Variants in ITGB1BP1 observed in about 807,000 individuals in gnomAD.
ITGB1BP1 encodes the protein integrin subunit beta 1 binding protein 1, also known as integrin beta-1-binding protein 1.
Under a neutral mutation model 28.0 loss-of-function variants are expected in ITGB1BP1, and 20 were observed. That is an observed-to-expected ratio of 0.71 (90% CI 0.50 to 1.04). The LOEUF (loss-of-function observed/expected upper bound fraction) is 1.04, where lower values mean the gene tolerates loss of function less well. Ranked by LOEUF, ITGB1BP1 falls within the 50% of genes least tolerant of loss-of-function variation. The probability of loss-of-function intolerance (pLI) is 0.00; values close to 1 mark genes in which losing one functional copy is unlikely to be tolerated. For missense variants in ITGB1BP1, 228 were observed against 242.5 expected (o/e 0.94, Z 0.40); for synonymous variants, 103 against 89.5 (o/e 1.15, Z -0.85).
rs1572755773 is a variant in ITGB1BP1 at position 9,423,389 on chromosome 2, C to T, written c.-52G>A. 4 of 1,144,688 alleles carry T rather than the reference C, an allele frequency of 3.5e-6. No individual in the cohort carries two copies. The African/African-American group carries it at 5.1e-5, about 15-fold the overall frequency. The allele number at this position is 1,144,688 out of a possible 1,614,324, so 70.9% of individuals were successfully genotyped here. On this transcript the variant is annotated 5_prime_UTR_variant, in exon 1 of 7. The change abolishes an upstream ATG in the 5' untranslated region. Transcript: ENST00000355346. ...GGCGCTCACCTCGCAGCCGCGGGCC[C>T]ATCCCCGGGTTGCGGACTTCGGGGT...
At chr2:9,419,311 T>C (rs1178233021) in intron 1 of ITGB1BP1, among the ~76,000 whole-genome samples, 4 of 152,340 alleles carry the variant, frequency 2.6e-5, no homozygotes, top group African/African-American at 9.6e-5. Context: ...AGGGCCTTAC[T>C]TCTCTTCAAT....
At chr2:9,409,781 A>G (rs978547330) in intron 4 of ITGB1BP1, among the ~76,000 whole-genome samples, 1 of 151,858 alleles carries the variant, frequency 6.6e-6, no homozygotes, top group Non-Finnish European at 1.5e-5. Context: ...TGTTGGAATG[A>G]CTTTATATTC....
At chr2:9,417,017 G>A (rs1442639836) in intron 2 of ITGB1BP1, among the ~76,000 whole-genome samples, 8 of 151,918 alleles carry the variant, frequency 5.3e-5, no homozygotes, top group Admixed American at 1.3e-4. Flanking sequence ...TTCACACCCC[G>A]TCCAAGCCCC....
chr2:9,407,783 G>C (rs764366013), intron 5 of ITGB1BP1, among the ~76,000 whole-genome samples, 185 bp from the exon 6 acceptor site: 3 of 151,962 alleles, frequency 2.0e-5, no homozygotes, highest in Non-Finnish European at 4.4e-5. Context: ...GGAGTGCAGT[G>C]ATCTAAACTG....
intron 2 of ITGB1BP1, 151 bp downstream of exon 2, chr2:9,418,475 G>T (rs1398077170): frequency 3.0e-6 from 2 of 670,914 alleles, no homozygotes; most frequent in African/African-American, 3.6e-5. Context: ...AGCATAGAAT[G>T]CATCTCTAGT....
intron 1 of ITGB1BP1, among the ~76,000 whole-genome samples, 172 bp from the exon 2 acceptor site, chr2:9,418,904 G>A (rs1679474682): frequency 6.6e-6 from 1 of 151,828 alleles, no homozygotes; most frequent in Non-Finnish European, 1.5e-5. Context: ...CTACAGGCAT[G>A]TGCCACTACA....
rs78314600 is a variant in ITGB1BP1, at chr2:9,419,913, G to A, written c.-35-1181C>T. On this transcript the variant is annotated intron_variant, in intron 1 of 6. Coordinates refer to ENST00000355346, the MANE Select transcript of ITGB1BP1 (RefSeq NM_004763.5). ...GGAACTGTGACCTGCCTCTCAAGACGATTTATGAATAAGATAACCTGATCA... is the reference window on the plus strand; with the variant it reads ...GGAACTGTGACCTGCCTCTCAAGACAATTTATGAATAAGATAACCTGATCA... 3.7e-3 allele frequency: 1,087 copies of A among 297,390 alleles called. 4 individuals are homozygous for A. The highest frequency in any genetic ancestry group is 4.5e-3 in the Non-Finnish European group (915 of 201,104). The allele number at this position is 297,390 out of a possible 1,614,324, so 18.4% of individuals were successfully genotyped here.
chr2:9,420,519 C>T (rs1238131653), intron 1 of ITGB1BP1, among the ~76,000 whole-genome samples: 2 of 152,118 alleles, frequency 1.3e-5, no homozygotes, highest in Admixed American at 6.5e-5. Context: ...GTTGAGGAGA[C>T]ACAGACTAAT....
At position 9,405,818 on chromosome 2, in the gene ITGB1BP1, C is replaced by G. The variant is rs1677201496; in HGVS notation, c.*1016G>C. 6.6e-6 allele frequency: 1 copy of G among 152,180 alleles called. No homozygotes were observed. Among genetic ancestry groups the G allele is most frequent in the African/African-American group, 2.4e-5 (1 of 41,422 alleles). 9.4% of individuals were successfully genotyped at this position (152,180 alleles called of 1,614,324 possible). ...GTAATCTTTTAAGGTTCTCTTAACT[C>G]TAGGAATTGTGGTTGGCCAGCATGT... On this transcript the variant is annotated 3_prime_UTR_variant, in exon 7 of 7. Coordinates refer to ENST00000355346, the MANE Select transcript of ITGB1BP1 (RefSeq NM_004763.5).
chr2:9,407,311 G>T (rs962953256), intron 6 of ITGB1BP1, 138 bp downstream of exon 6: 2 of 968,576 alleles, frequency 2.1e-6, no homozygotes, highest in Non-Finnish European at 3.1e-6. Context: ...GCTGACCTCC[G>T]GCCTAATATT....
chr2:9,405,436 G>A lies in ITGB1BP1; in HGVS notation c.*1398C>T, dbSNP rs902259974. 1 of 152,304 alleles carries A rather than the reference G, an allele frequency of 6.6e-6. No homozygotes were observed. Among genetic ancestry groups the A allele is most frequent in the Non-Finnish European group, 1.5e-5 (1 of 68,046 alleles). 9.4% of individuals were successfully genotyped at this position (152,304 alleles called of 1,614,324 possible). A position where few individuals can be genotyped will look rare whatever the true frequency, so the allele number is the denominator to read the frequency against. On this transcript the variant is annotated 3_prime_UTR_variant, in exon 7 of 7. Coordinates refer to ENST00000355346, the MANE Select transcript of ITGB1BP1 (RefSeq NM_004763.5). ...ACATGTACACAGACTAAGAGTAACT[G>A]TGTGATCTGTTAAGGGGTGGATAAC...
chr2:9,407,896 G>GT (rs200352749), intron 5 of ITGB1BP1: 51 of 533,084 alleles, frequency 9.6e-5, no homozygotes, highest in African/African-American at 6.6e-4. Context: ...GTGTTTGGGG[G>GT]TGGGGGGGGC....
In ITGB1BP1 at chr2:9,406,854, A is replaced by G; in HGVS notation, c.583T>C (p.Leu195=). 1 of 1,613,028 alleles carries G rather than the reference A, an allele frequency of 6.2e-7. No homozygotes were observed. ...KVLSTAFDSV[L]TSEKP ...AGGATTCAGGGTTTCTCAGATGTTA[A>G]TACAGAGTCAAAAGCGGTGGATAAA... Residue 195 remains leucine (L), a synonymous_variant, in exon 7 of 7, where the codon TTA becomes CTA. Coordinates refer to ENST00000355346, the MANE Select transcript of ITGB1BP1 (RefSeq NM_004763.5).
At position 9,422,933 on chromosome 2, in the gene ITGB1BP1, G is replaced by C. The variant is rs561266191; in HGVS notation, c.-36+440C>G. ...TCGGGGCCTAGGGAGAGCCGGCTCCGAAGTTCCTCCCAGACGCCAGCCTGC... is the reference window on the plus strand; with the variant it reads ...TCGGGGCCTAGGGAGAGCCGGCTCCCAAGTTCCTCCCAGACGCCAGCCTGC... On this transcript the variant is annotated intron_variant, in intron 1 of 6. Transcript: ENST00000355346. The C allele has an allele frequency of 2.4e-4, 233 of 986,022 alleles. No individual in the cohort carries two copies. The Middle Eastern group carries it at 6.3e-3, about 27-fold the overall frequency. The allele number at this position is 986,022 out of a possible 1,614,324, so 61.1% of individuals were successfully genotyped here.
chr2:9,416,665 T>C (rs1188101804), intron 2 of ITGB1BP1, among the ~76,000 whole-genome samples: 1 of 152,230 alleles, frequency 6.6e-6, no homozygotes. Flanking sequence ...ACTGGTTCTC[T>C]GGAGAACTCC....
intron 1 of ITGB1BP1, 29 bp from the exon 2 acceptor site, chr2:9,418,761 C>A: frequency 8.4e-5 from 109 of 1,297,578 alleles, no homozygotes; most frequent in Non-Finnish European, 1.1e-4. Context: ...GTAACAGTTA[C>A]ATCGGGAAAA....
chr2:9,407,586 T>C lies in ITGB1BP1; in HGVS notation c.394A>G (p.Arg132Gly). ...CGGATTATTAAGTAGAGAGCATGCCTGTGCAAAACATCCTGCAGAAGTCAG... is the reference window on the plus strand; with the variant it reads ...CGGATTATTAAGTAGAGAGCATGCCCGTGCAAAACATCCTGCAGAAGTCAG... ...STSDQYDVLH[R>G]HALYLIIRMV... The change falls in exon 6 of 7, where the codon AGG (arginine) becomes GGG (glycine). Residue 132 changes from arginine (R) to glycine (G), a missense_variant. This residue lies in a region of ITGB1BP1 where 192 missense variants were observed against 181.6 expected (regional missense o/e 1.06). Transcript: ENST00000355346. 3 of 1,614,144 alleles carry C rather than the reference T, an allele frequency of 1.9e-6. No homozygotes were observed. The highest frequency in any genetic ancestry group is 1.6e-4 in the Middle Eastern group (1 of 6,062).
chr2:9,420,717 C>T (rs924145860), intron 1 of ITGB1BP1, among the ~76,000 whole-genome samples: 2 of 152,160 alleles, frequency 1.3e-5, no homozygotes, highest in East Asian at 1.9e-4. Context: ...AGGCAGGCCG[C>T]GGTAACAGTG....
chr2:9,408,832 A>G (rs572453610), intron 4 of ITGB1BP1, among the ~76,000 whole-genome samples: 1 of 152,334 alleles, frequency 6.6e-6, no homozygotes, highest in African/African-American at 2.4e-5. Context: ...CCTTTCATGC[A>G]TATTGTTTGT....
Sources: allele counts gnomAD v4.1 joint callset (sites outside exome capture counted in the v4.1 genomes callset), GRCh38; gene constraint gnomAD v4.1.1; regional missense constraint gnomAD v4.1.1; transcripts MANE v1.5; gene names NCBI Gene and HGNC (gene_info 2026-07-23, HGNC 2026-07-21).